NRCAM: variants seen among roughly 807,000 people sequenced by gnomAD.
NRCAM encodes NgCAM-related cell adhesion molecule.
Under a neutral mutation model 156.5 loss-of-function variants are expected in NRCAM, and 83 were observed. That is an observed-to-expected ratio of 0.53 (90% CI 0.44 to 0.64). NRCAM has a LOEUF of 0.64. NRCAM is among the 30% of genes least tolerant of loss of function. NRCAM has a pLI of 0.00. For missense variants in NRCAM, 1,417 were observed against 1,597.3 expected (o/e 0.89, Z 1.92); for synonymous variants, 538 against 563.9 (o/e 0.95, Z 0.65).
chr7:108,230,155 G>A (rs2094125901), intron 8 of NRCAM, among the ~76,000 whole-genome samples: 1 of 152,026 alleles, frequency 6.6e-6, no homozygotes, highest in African/African-American at 2.4e-5. Flanking sequence ...TCTGGGAATG[G>A]CAATTCCATT....
intron 2 of NRCAM, among the ~76,000 whole-genome samples, chr7:108,373,005 C>T (rs975923244): frequency 5.9e-5 from 9 of 152,038 alleles, no homozygotes; most frequent in African/African-American, 2.2e-4. Flanking sequence ...CCGTGGAATA[C>T]TGTTCAGCCT....
At chr7:108,448,401 A>C (rs943147904) in intron 1 of NRCAM, among the ~76,000 whole-genome samples, 4 of 152,256 alleles carry the variant, frequency 2.6e-5, no homozygotes, top group African/African-American at 7.2e-5. Context: ...GCTTTTAGCC[A>C]TCATGCTACT....
intron 1 of NRCAM, among the ~76,000 whole-genome samples, chr7:108,433,256 C>T (rs992154020): frequency 2.0e-5 from 3 of 152,118 alleles, no homozygotes; most frequent in Non-Finnish European, 4.4e-5. Context: ...AACCCAGCTA[C>T]CTCCTAACTA....
intron 2 of NRCAM, among the ~76,000 whole-genome samples, chr7:108,390,748 G>C (rs2099757089): frequency 1.3e-5 from 2 of 152,120 alleles, no homozygotes; most frequent in South Asian, 4.1e-4. Flanking sequence ...CTTTAAATGT[G>C]TCCCAGAGAT....
Position 108,162,695 on chromosome 7 carries a change from T to G in NRCAM, c.3467-2203A>C, listed in dbSNP as rs1409014912. ...TCCACATTCACTGACTTTGAATTTC[T>G]GCCTCTGTGTCTAAAGAAAAAAGTA... On this transcript the variant is annotated intron_variant, in intron 30 of 32. Coordinates refer to ENST00000379028, the MANE Select transcript of NRCAM (RefSeq NM_001037132.4). Among the ~76,000 whole-genome samples the G allele has an allele frequency of 2.6e-5, 4 of 152,356 alleles. No homozygotes were observed. The East Asian group carries it at 7.7e-4, about 29-fold the overall frequency.
rs1007511415 is a variant in NRCAM at position 108,148,446 on chromosome 7, A to T, written c.*1464T>A. On this transcript the variant is annotated 3_prime_UTR_variant, in exon 33 of 33. Transcript: ENST00000379028. ...GATGCAAGTTATGAGAAACCAATTT[A>T]TTGGCAAATGAAACTGAGCATTCCT... The T allele has an allele frequency of 3.9e-5, 6 of 152,676 alleles. No homozygotes were observed. The highest frequency in any genetic ancestry group is 1.4e-4 in the African/African-American group (6 of 41,472). The allele number at this position is 152,676 out of a possible 1,614,324, so 9.5% of individuals were successfully genotyped here.
At chr7:108,360,173 G>C (rs889238040) in intron 2 of NRCAM, among the ~76,000 whole-genome samples, 3 of 152,130 alleles carry the variant, frequency 2.0e-5, no homozygotes, top group African/African-American at 7.2e-5. Context: ...CAAAGAGATT[G>C]GATTCAGACA....
rs114618052 is a variant in NRCAM at position 108,217,076 on chromosome 7, T to C, written c.890+6649A>G. 5.6e-3 allele frequency among the ~76,000 whole-genome samples: 847 copies of C among 152,364 alleles called. 7 individuals carry two copies. Among genetic ancestry groups the C allele is most frequent in the African/African-American group, 0.019 (802 of 41,586 alleles). Reference sequence around the variant, plus strand: ...TTTATCTACCTTTGGTCTTTGATGTTGGTGACCCCTTCATATGGGTTTTTT... The same window carrying C: ...TTTATCTACCTTTGGTCTTTGATGTCGGTGACCCCTTCATATGGGTTTTTT... On this transcript the variant is annotated intron_variant, in intron 11 of 32. Transcript: ENST00000379028.
intron 15 of NRCAM, among the ~76,000 whole-genome samples, chr7:108,195,537 A>G (rs1411891028): frequency 6.6e-6 from 1 of 151,768 alleles, no homozygotes. Context: ...ATATGCTTGA[A>G]CCCAGGAGGC....
intron 2 of NRCAM, among the ~76,000 whole-genome samples, chr7:108,378,099 T>C (rs1322452576): frequency 6.6e-6 from 1 of 152,162 alleles, no homozygotes; most frequent in Non-Finnish European, 1.5e-5. Flanking sequence ...AAATTTGAAT[T>C]ACATGAAAAA....
intron 3 of NRCAM, among the ~76,000 whole-genome samples, chr7:108,285,000 C>A (rs1325713502): frequency 6.6e-6 from 1 of 152,224 alleles, no homozygotes; most frequent in Non-Finnish European, 1.5e-5. Flanking sequence ...ATGTGAACAA[C>A]AGACGGGTGA....
At chr7:108,292,667 C>T (rs914546892) in intron 3 of NRCAM, among the ~76,000 whole-genome samples, 3 of 152,148 alleles carry the variant, frequency 2.0e-5, no homozygotes, top group South Asian at 2.1e-4. Context: ...TGACCTTATG[C>T]AAGTTACTTA....
chr7:108,387,683 T>C (rs940816892), intron 2 of NRCAM, among the ~76,000 whole-genome samples: 3 of 152,030 alleles, frequency 2.0e-5, no homozygotes, highest in Admixed American at 2.0e-4. Flanking sequence ...TCATTTACAT[T>C]AGGTATATCT....
At chr7:108,278,084 T>C (rs2097708884) in intron 3 of NRCAM, among the ~76,000 whole-genome samples, 1 of 152,182 alleles carries the variant, frequency 6.6e-6, no homozygotes, top group South Asian at 2.1e-4. Context: ...ACAGCAAGTA[T>C]TGCTGCCTGA....
At chr7:108,294,187 T>C (rs890634968) in intron 3 of NRCAM, among the ~76,000 whole-genome samples, 1 of 149,312 alleles carries the variant, frequency 6.7e-6, no homozygotes, top group Non-Finnish European at 1.5e-5. Context: ...AGCACTTTCT[T>C]TACTGGTTTT....
chr7:108,235,358 T>C (rs1264257074), intron 5 of NRCAM, among the ~76,000 whole-genome samples: 1 of 152,194 alleles, frequency 6.6e-6, no homozygotes, highest in Non-Finnish European at 1.5e-5. Context: ...ATGGGGAAAC[T>C]GTTCTGACCC....
intron 12 of NRCAM, among the ~76,000 whole-genome samples, chr7:108,208,309 T>TAATA (rs1302762325): frequency 6.6e-6 from 1 of 151,778 alleles, no homozygotes; most frequent in African/African-American, 2.4e-5. Context: ...CAACTCAAAA[T>TAATA]AATAAATAAA....
chr7:108,449,161 A>G (rs2154493799), intron 1 of NRCAM, among the ~76,000 whole-genome samples: 1 of 152,316 alleles, frequency 6.6e-6, no homozygotes, highest in Non-Finnish European at 1.5e-5. Flanking sequence ...ATGTTTACCA[A>G]GTGCCTCGCT....
intron 2 of NRCAM, among the ~76,000 whole-genome samples, chr7:108,336,655 A>G (rs984541634): frequency 2.0e-5 from 3 of 152,232 alleles, no homozygotes; most frequent in Admixed American, 2.0e-4. Flanking sequence ...ACCTAATTCT[A>G]TAGAGATCTA....
Sources: gnomAD v4.1 joint callset for allele counts (sites outside exome capture counted in the v4.1 genomes callset) on GRCh38, gnomAD v4.1.1 for gene constraint, MANE v1.5 for transcripts, NCBI Gene and HGNC (gene_info 2026-07-23, HGNC 2026-07-21) for gene names.